Variants in UBAC2 observed in about 807,000 individuals in gnomAD.
UBAC2 encodes the protein UBA domain containing 2, also known as ubiquitin-associated domain-containing protein 2.
In UBAC2, 26 loss-of-function variants were observed where a neutral mutation model predicts 44.0. That is an observed-to-expected ratio of 0.59 (90% CI 0.43 to 0.82). The LOEUF is 0.82. UBAC2 is among the 40% of genes least tolerant of loss of function. UBAC2 has a pLI of 0.00. For missense variants in UBAC2, 329 were observed against 419.4 expected (o/e 0.78, Z 1.88); for synonymous variants, 155 against 154.3 (o/e 1.00, Z -0.04).
intron 1 of UBAC2, chr13:99,201,566 A>G: frequency 6.2e-7 from 1 of 1,613,932 alleles, no homozygotes; most frequent in Non-Finnish European, 8.5e-7. Context: ...GGTGGTCAGC[A>G]GGTAGGGGGC....
intron 4 of UBAC2, among the ~76,000 whole-genome samples, chr13:99,277,307 C>T (rs935658513): frequency 3.3e-5 from 5 of 152,112 alleles, no homozygotes; most frequent in African/African-American, 7.2e-5. Context: ...AGGTAGATCA[C>T]CTGAGGTCAG....
In UBAC2 at chr13:99,366,006, A is replaced by C. The variant is rs1176273317; in HGVS notation, c.808-1781A>C. 2.6e-5 allele frequency among the ~76,000 whole-genome samples: 4 copies of C among 152,150 alleles called. No individual in the cohort carries two copies. The East Asian group carries it at 7.7e-4, about 29-fold the overall frequency. On this transcript the variant is annotated intron_variant, in intron 7 of 8. Coordinates refer to ENST00000403766, the MANE Select transcript of UBAC2 (RefSeq NM_001144072.2). Reference sequence around the variant, plus strand: ...TTCGAGGTCTATTTATTTGGCATGAATGTAGCAACAACAGCTTTCTTTGAT... The same window carrying C: ...TTCGAGGTCTATTTATTTGGCATGACTGTAGCAACAACAGCTTTCTTTGAT...
chr13:99,215,478 T>A, intron 1 of UBAC2: 1 of 1,417,310 alleles, frequency 7.1e-7, no homozygotes, highest in South Asian at 1.1e-5. Flanking sequence ...ATTCTTCATC[T>A]GCACGAATAG....
At chr13:99,309,459 G>T (rs12583270) in intron 4 of UBAC2, among the ~76,000 whole-genome samples, 38,780 of 151,992 alleles carry the variant, frequency 0.26, 6,050 homozygotes, top group Non-Finnish European at 0.35. Context: ...AGGTGATGGG[G>T]TCATTATCCT....
At chr13:99,318,777 G>A (rs1182829245) in intron 6 of UBAC2, among the ~76,000 whole-genome samples, 2 of 148,230 alleles carry the variant, frequency 1.3e-5, no homozygotes, top group African/African-American at 5.0e-5. Context: ...AGCCGAGGTG[G>A]CGCCATTGCT....
chr13:99,294,841 T>C, intron 4 of UBAC2: 1 of 423,560 alleles, frequency 2.4e-6, no homozygotes, highest in Non-Finnish European at 4.1e-6. Flanking sequence ...CGTTTACAAA[T>C]AAAAATGAAA....
chr13:99,202,091 AAAAG>A (rs2042810880), intron 1 of UBAC2, among the ~76,000 whole-genome samples: 1 of 151,788 alleles, frequency 6.6e-6, no homozygotes, highest in Non-Finnish European at 1.5e-5. Flanking sequence ...AAAAAAAAAA[AAAAG>A]ATCTGTTGGG....
At chr13:99,289,803 A>G (rs2044065999) in intron 4 of UBAC2, among the ~76,000 whole-genome samples, 1 of 152,178 alleles carries the variant, frequency 6.6e-6, no homozygotes, top group South Asian at 2.1e-4. Flanking sequence ...TCAGGGACCC[A>G]GGCTGACAAA....
At position 99,248,070 on chromosome 13, in the gene UBAC2, G is replaced by GT. The variant is rs760928894; in HGVS notation, c.389+3448dup. 2.6e-4 allele frequency among the ~76,000 whole-genome samples: 39 copies of GT among 152,078 alleles called. 1 individual carries two copies. The highest frequency in any genetic ancestry group is 5.3e-4 in the Non-Finnish European group (36 of 68,022). On this transcript the variant is annotated intron_variant, in intron 4 of 8. Coordinates refer to ENST00000403766, the MANE Select transcript of UBAC2 (RefSeq NM_001144072.2). ...CTCCCTCCTAATTCTTTCTGACTTA[G>GT]TTACTGCGTGCAGCTCTTTTCTCAA...
chr13:99,295,887 G>T lies in UBAC2; in HGVS notation c.390-18210G>T, dbSNP rs767046352. On this transcript the variant is annotated intron_variant, in intron 4 of 8. Coordinates refer to ENST00000403766, the MANE Select transcript of UBAC2 (RefSeq NM_001144072.2). The surrounding 1 kb of genome is among the most constrained non-coding windows in gnomAD (Gnocchi z 4.1). ...AAGCCCATTGCATAGTAGGCTATTC[G>T]TGTAGGCAAAGCGGTGGTAAAAAGT... 3 of 1,611,718 alleles carry T rather than the reference G, an allele frequency of 1.9e-6. No homozygotes were observed. The highest frequency in any genetic ancestry group is 2.2e-5 in the East Asian group (1 of 44,880).
intron 4 of UBAC2, among the ~76,000 whole-genome samples, chr13:99,310,515 A>G (rs1280695046): frequency 6.6e-6 from 1 of 152,240 alleles, no homozygotes; most frequent in Non-Finnish European, 1.5e-5. Flanking sequence ...AAGGAAAAGA[A>G]AAAGACTGGT....
At chr13:99,221,269 C>T (rs2043049403) in intron 1 of UBAC2, among the ~76,000 whole-genome samples, 1 of 152,164 alleles carries the variant, frequency 6.6e-6, no homozygotes, top group African/African-American at 2.4e-5. Context: ...GTGTTGCAAC[C>T]TCCACAAACT....
chr13:99,274,721 CT>C (rs759649634), intron 4 of UBAC2, among the ~76,000 whole-genome samples: 599 of 133,552 alleles, frequency 4.5e-3, no homozygotes, highest in African/African-American at 7.1e-3. Context: ...CTTTTCTTTT[CT>C]TTTTTTTTTT....
chr13:99,255,223 C>T, intron 4 of UBAC2: 1 of 1,613,986 alleles, frequency 6.2e-7, no homozygotes, highest in Non-Finnish European at 8.5e-7. Flanking sequence ...AGACGTCCTG[C>T]CGTGAAGGAG....
At chr13:99,307,842 T>C (rs2044359011) in intron 4 of UBAC2, 1 of 152,208 alleles carries the variant, frequency 6.6e-6, no homozygotes, top group Admixed American at 6.5e-5. Flanking sequence ...CAGGGAGTAG[T>C]TTACACATTC....
intron 1 of UBAC2, chr13:99,201,266 G>C: frequency 6.9e-7 from 1 of 1,446,176 alleles, no homozygotes; most frequent in Non-Finnish European, 9.1e-7. Context: ...CAGGCCCTTT[G>C]CGGAGCGTGT....
chr13:99,295,705 A>T lies in UBAC2; in HGVS notation c.390-18392A>T. On this transcript the variant is annotated intron_variant, in intron 4 of 8. Transcript: ENST00000403766. This position sits in a 1 kb window ranked among gnomAD's most constrained non-coding sequence, Gnocchi z 4.1. The stretch of plus-strand genomic sequence containing the variant: ...AGACAAATATGCACACGCCTTTTGC[A>T]TGTTCAATCCTTTTTATCTTGTTGT... The T allele has an allele frequency of 6.2e-7, 1 of 1,614,174 alleles. No individual in the cohort carries two copies. Among genetic ancestry groups the T allele is most frequent in the Non-Finnish European group, 8.5e-7 (1 of 1,180,012 alleles).
At chr13:99,380,598 T>C (rs756971401) in intron 8 of UBAC2, among the ~76,000 whole-genome samples, 1 of 152,164 alleles carries the variant, frequency 6.6e-6, no homozygotes, top group Non-Finnish European at 1.5e-5. Context: ...CTGGGGAGTA[T>C]TGGGTAAGCA....
intron 4 of UBAC2, among the ~76,000 whole-genome samples, chr13:99,269,711 C>A (rs937145669): frequency 6.6e-6 from 1 of 152,136 alleles, no homozygotes; most frequent in African/African-American, 2.4e-5. Flanking sequence ...ACTACGAATT[C>A]TTACAGAACT....
Sources: allele counts gnomAD v4.1 joint callset (sites outside exome capture counted in the v4.1 genomes callset), GRCh38; gene constraint gnomAD v4.1.1; non-coding constraint Gnocchi (gnomAD v3.1); transcripts MANE v1.5; gene names NCBI Gene and HGNC (gene_info 2026-07-23, HGNC 2026-07-21).